The following TNKS variants were observed in gnomAD, a reference collection of about 807,000 sequenced individuals.
TNKS encodes the protein tankyrase, also known as poly [ADP-ribose] polymerase tankyrase-1.
TNKS carries 72 observed loss-of-function variants against 135.8 expected under a neutral mutation model. The ratio of observed to expected loss-of-function variants is 0.53; its 90% CI spans 0.44 to 0.64. The LOEUF is 0.64. Ranked by LOEUF, TNKS falls within the 30% of genes least tolerant of loss-of-function variation. TNKS has a pLI of 0.00. For missense variants in TNKS, 1,769 were observed against 1,674.0 expected, an observed-to-expected ratio of 1.06 and a Z score of -0.99; for synonymous variants, 849 against 649.3, an observed-to-expected ratio of 1.31 and a Z score of -4.68.
intron 3 of TNKS, among the ~76,000 whole-genome samples, chr8:9,619,423 A>G (rs1242236736): frequency 6.6e-6 from 1 of 152,194 alleles, no homozygotes; most frequent in Admixed American, 6.5e-5. Flanking sequence ...GAGTTTGGAA[A>G]AGGATAGATA....
chr8:9,594,851 A>C (rs1047367680), intron 2 of TNKS, among the ~76,000 whole-genome samples: 1 of 152,208 alleles, frequency 6.6e-6, no homozygotes, highest in African/African-American at 2.4e-5. Flanking sequence ...CTTCTTAATA[A>C]GGACCAAAGA....
chr8:9,766,106 C>T (rs1357560076), intron 24 of TNKS, 133 bp from the exon 25 acceptor site: 2 of 775,332 alleles, frequency 2.6e-6, no homozygotes, highest in Non-Finnish European at 3.9e-6. Context: ...TATAATAGAC[C>T]TTCTTAGAAA....
At chr8:9,680,645 T>G in intron 4 of TNKS, 80 bp from the exon 5 acceptor site, 2 of 930,364 alleles carry the variant, frequency 2.1e-6, no homozygotes, top group Non-Finnish European at 3.5e-6. Context: ...CATATTTTAC[T>G]CTCGTGTGAA....
chr8:9,751,881 C>T (rs774485055), intron 19 of TNKS, 35 bp downstream of exon 19: 2 of 1,591,736 alleles, frequency 1.3e-6, no homozygotes, highest in Non-Finnish European at 8.6e-7. Context: ...TTTATTTATA[C>T]CTTTTGTTAG....
chr8:9,751,764 T>C lies in TNKS; in HGVS notation c.2988T>C (p.Thr996=), dbSNP rs745690176. 75 of 1,614,044 alleles carry C rather than the reference T, an allele frequency of 4.6e-5. No homozygotes were observed. In the Middle Eastern group the frequency reaches 1.2e-3, roughly 25 times the overall value. Residue 996 remains threonine, a synonymous_variant, in exon 19 of 27, where the codon ACT becomes ACC. Transcript: ENST00000310430. ...LSAASSIDNL[T]GPLAELAVGG... is the part of the protein sequence containing the mutation. ...CTGCCAGCAGCATAGACAACCTCAC[T>C]GGCCCTTTAGCAGAGTTGGCCGTAG...
intron 26 of TNKS, among the ~76,000 whole-genome samples, chr8:9,774,400 C>G (rs565441970): frequency 6.6e-6 from 1 of 152,226 alleles, no homozygotes; most frequent in Admixed American, 6.5e-5. Context: ...CATTTGAATT[C>G]AAATTTTAGT....
intron 1 of TNKS, among the ~76,000 whole-genome samples, chr8:9,566,844 A>G (rs1420826982): frequency 2.6e-5 from 4 of 151,080 alleles, no homozygotes; most frequent in East Asian, 3.9e-4. Flanking sequence ...TCCTGCCCTC[A>G]TGATCCACCC....
chr8:9,618,466 A>G (rs1400131286), intron 3 of TNKS, among the ~76,000 whole-genome samples: 1 of 152,158 alleles, frequency 6.6e-6, no homozygotes, highest in African/African-American at 2.4e-5. Context: ...TGTGTAAGTG[A>G]ATGGTAGACT....
chr8:9,626,913 G>C (rs908455220), intron 3 of TNKS, among the ~76,000 whole-genome samples: 1 of 152,196 alleles, frequency 6.6e-6, no homozygotes, highest in Non-Finnish European at 1.5e-5. Flanking sequence ...TCGAAGTCAT[G>C]TCTTTTTGTA....
intron 11 of TNKS, among the ~76,000 whole-genome samples, chr8:9,717,318 A>G (rs1439442950): frequency 6.6e-6 from 1 of 151,714 alleles, no homozygotes; most frequent in East Asian, 1.9e-4. Flanking sequence ...CCTCATAGGA[A>G]GTGCTTTAAC....
intron 5 of TNKS, among the ~76,000 whole-genome samples, chr8:9,696,485 G>GA (rs1017940707): frequency 5.9e-5 from 9 of 151,502 alleles, no homozygotes; most frequent in East Asian, 3.9e-4. Context: ...TCTGGATAGG[G>GA]AAAAAAAACA....
chr8:9,673,181 G>T (rs1802377777), intron 3 of TNKS, among the ~76,000 whole-genome samples: 2 of 152,138 alleles, frequency 1.3e-5, no homozygotes, highest in Non-Finnish European at 2.9e-5. Flanking sequence ...GAAATGGGAT[G>T]TGTATCTTAG....
rs376965971 is a variant in TNKS at position 9,776,710 on chromosome 8, G to A, written c.3958G>A (p.Ala1320Thr). The change falls in exon 27 of 27, where the codon GCA becomes ACA. Residue 1320 changes from alanine (A) to threonine (T), a missense_variant. Coordinates refer to ENST00000310430, the MANE Select transcript of TNKS (RefSeq NM_003747.3). Reference sequence around the variant, plus strand: ...GAAGCCAGAAGCCCCTTCCCAGACCGCAACAGCCGCAGAGCAGAAGACCTA... The same window carrying A: ...GAAGCCAGAAGCCCCTTCCCAGACCACAACAGCCGCAGAGCAGAAGACCTA... The part of the protein sequence containing the change: ...IMKPEAPSQT[A>T]TAAEQKT The A allele has an allele frequency of 4.4e-5, 71 of 1,613,774 alleles. No homozygotes were observed. Among genetic ancestry groups the A allele is most frequent in the Non-Finnish European group, 5.3e-5 (63 of 1,179,904 alleles).
chr8:9,567,901 G>A (rs1487452007), intron 1 of TNKS, among the ~76,000 whole-genome samples: 2 of 152,024 alleles, frequency 1.3e-5, no homozygotes, highest in Non-Finnish European at 2.9e-5. Context: ...AAATGGTTAT[G>A]ATGGCAAATT....
In TNKS at chr8:9,603,767, C is replaced by T. The variant is rs34680022; in HGVS notation, c.899-11815C>T. Among the ~76,000 whole-genome samples the T allele has an allele frequency of 2.2e-3, 328 of 152,242 alleles. 3 individuals carry two copies. Among genetic ancestry groups the T allele is most frequent in the Middle Eastern group, 6.8e-3 (2 of 292 alleles). On this transcript the variant is annotated intron_variant, in intron 2 of 26. Coordinates refer to ENST00000310430, the MANE Select transcript of TNKS (RefSeq NM_003747.3). ...ATTCAGTGCTGAAGATACCATTGTG[C>T]ATCAAAGAAATGTTTATCTTATGTT...
At chr8:9,754,471 T>G (rs1806730581) in intron 20 of TNKS, among the ~76,000 whole-genome samples, 1 of 152,208 alleles carries the variant, frequency 6.6e-6, no homozygotes, top group South Asian at 2.1e-4. Context: ...TTTTTCTTAT[T>G]TATATCAATT....
Position 9,630,747 on chromosome 8 carries a change from T to G in TNKS, c.994+15070T>G, listed in dbSNP as rs76558477. Among the ~76,000 whole-genome samples, 746 of 152,352 alleles carry G rather than the reference T, an allele frequency of 4.9e-3. 37 individuals are homozygous for G. The East Asian group carries it at 0.12, about 24-fold the overall frequency. ...TTGCAGACTGCATTCAGAATTGTCA[T>G]TAGGTTTCTGTAGTCTAGGCAGAAT... On this transcript the variant is annotated intron_variant, in intron 3 of 26. Coordinates refer to ENST00000310430, the MANE Select transcript of TNKS (RefSeq NM_003747.3).
rs540285599 is a variant in TNKS, at chr8:9,702,718, T to C, written c.1108-1945T>C. Among the ~76,000 whole-genome samples the C allele has an allele frequency of 6.6e-5, 10 of 151,586 alleles. No homozygotes were observed. In the East Asian group the frequency reaches 1.6e-3, roughly 24 times the overall value. On this transcript the variant is annotated intron_variant, in intron 5 of 26. Coordinates refer to ENST00000310430, the MANE Select transcript of TNKS (RefSeq NM_003747.3). ...AAAATTTTAGTTGCCTATTTTTACA[T>C]GGCATTTTACATTTTAAAAAAGCAC...
At chr8:9,612,330 A>G (rs981613320) in intron 2 of TNKS, among the ~76,000 whole-genome samples, 9 of 152,196 alleles carry the variant, frequency 5.9e-5, no homozygotes, top group Non-Finnish European at 1.3e-4. Flanking sequence ...TCTTATCTCA[A>G]TGTAGATGGA....
Sources: allele counts gnomAD v4.1 joint callset (sites outside exome capture counted in the v4.1 genomes callset), GRCh38; gene constraint gnomAD v4.1.1; transcripts MANE v1.5; gene names NCBI Gene and HGNC (gene_info 2026-07-23, HGNC 2026-07-21).